The following PAPPA2 variants were observed in gnomAD, a reference collection of about 807,000 sequenced individuals.
PAPPA2 encodes the protein pappalysin 2.
PAPPA2 carries 86 observed loss-of-function variants against 176.4 expected under a neutral mutation model. That is an observed-to-expected ratio of 0.49 (90% CI 0.41 to 0.58). The LOEUF is 0.58. PAPPA2 is among the 20% of genes least tolerant of loss of function. The pLI, the probability that PAPPA2 is intolerant of heterozygous loss-of-function variation, is 0.00. For missense variants in PAPPA2, 2,073 were observed against 2,256.9 expected (o/e 0.92, Z 1.65); for synonymous variants, 809 against 852.2 (o/e 0.95, Z 0.88).
intron 3 of PAPPA2, among the ~76,000 whole-genome samples, chr1:176,657,152 A>C (rs1362305652): frequency 6.6e-6 from 1 of 151,950 alleles, no homozygotes; most frequent in Non-Finnish European, 1.5e-5. Context: ...AGTTGTGGAC[A>C]AAAGCACCAG....
At chr1:176,774,989 C>T (rs534871232) in intron 17 of PAPPA2, among the ~76,000 whole-genome samples, 38 of 152,274 alleles carry the variant, frequency 2.5e-4, no homozygotes, top group South Asian at 1.9e-3. Flanking sequence ...CCAGAGCTCT[C>T]CGTGACAGTG....
intron 14 of PAPPA2, among the ~76,000 whole-genome samples, chr1:176,756,046 T>A (rs2102893997): frequency 6.6e-6 from 1 of 152,060 alleles, no homozygotes; most frequent in South Asian, 2.1e-4. Context: ...GCAATGTCCA[T>A]CTCCCGGGTT....
chr1:176,616,500 C>T (rs1255970575), intron 3 of PAPPA2: 1 of 936,900 alleles, frequency 1.1e-6, no homozygotes, highest in African/African-American at 1.7e-5. Context: ...AATATAACAA[C>T]CAGGTTCTTC....
intron 21 of PAPPA2, among the ~76,000 whole-genome samples, chr1:176,832,568 G>A (rs570163013): frequency 6.6e-5 from 10 of 152,222 alleles, no homozygotes; most frequent in African/African-American, 2.4e-4. Context: ...GGCTAGGCTG[G>A]TCTCAAACTC....
intron 2 of PAPPA2, among the ~76,000 whole-genome samples, chr1:176,576,423 T>C (rs991118616): frequency 6.6e-6 from 1 of 152,082 alleles, no homozygotes; most frequent in African/African-American, 2.4e-5. Context: ...GCAGGTGATA[T>C]GTAAGTAGAG....
chr1:176,804,155 G>T (rs1475279358), intron 21 of PAPPA2, among the ~76,000 whole-genome samples: 1 of 152,156 alleles, frequency 6.6e-6, no homozygotes, highest in Non-Finnish European at 1.5e-5. Flanking sequence ...GTACATAATT[G>T]TGCATTATAA....
chr1:176,739,665 A>AT lies in PAPPA2; in HGVS notation c.3845dup (p.Leu1282PhefsTer4). ...ACCAGGAGAGGCCAGAGCAATTTTT[A>AT]TTTTTTTGACAACTGATGGCCTAGT... is the stretch of plus-strand genomic sequence containing the variant. On this transcript the variant is annotated frameshift_variant, in exon 13 of 23. Transcript: ENST00000367662. LOFTEE classifies it high-confidence loss of function. The AT allele has an allele frequency of 6.2e-7, 1 of 1,613,636 alleles. No individual in the cohort carries two copies. The highest frequency in any genetic ancestry group is 8.5e-7 in the Non-Finnish European group (1 of 1,179,722).
chr1:176,677,728 C>A (rs1330390127), intron 4 of PAPPA2, among the ~76,000 whole-genome samples: 1 of 152,040 alleles, frequency 6.6e-6, no homozygotes, highest in Admixed American at 6.6e-5. Flanking sequence ...TCGATTCATT[C>A]AAAGAAAAAC....
chr1:176,778,489 A>T (rs1172751771), intron 17 of PAPPA2, among the ~76,000 whole-genome samples: 4 of 152,214 alleles, frequency 2.6e-5, no homozygotes, highest in Non-Finnish European at 5.9e-5. Context: ...GGAAGATTCA[A>T]ACTGATTTTA....
intron 2 of PAPPA2, among the ~76,000 whole-genome samples, chr1:176,584,955 G>T (rs1239062145): frequency 6.6e-6 from 1 of 152,144 alleles, no homozygotes; most frequent in Non-Finnish European, 1.5e-5. Flanking sequence ...GGCCAGGCTG[G>T]TCTTAAACTC....
chr1:176,604,048 C>T lies in PAPPA2; in HGVS notation c.1991+8453C>T, dbSNP rs577386931. 7.2e-5 allele frequency among the ~76,000 whole-genome samples: 11 copies of T among 152,304 alleles called. No homozygotes were observed. In the East Asian group the frequency reaches 1.9e-3, roughly 27 times the overall value. Reference sequence around the variant, plus strand: ...CAGCCACACTGGCCTTCTGACTTGCCAGATGTACTCCTACTGCATGATCTT... The same window carrying T: ...CAGCCACACTGGCCTTCTGACTTGCTAGATGTACTCCTACTGCATGATCTT... On this transcript the variant is annotated intron_variant, in intron 3 of 22. Transcript: ENST00000367662.
In PAPPA2 at chr1:176,747,023, AT is replaced by A. The variant is rs1571264748; in HGVS notation, c.4151+6830del. ...AGGAAACTGAGACTCAAGGGCACAA[AT>A]TTACTTTATTTGGGATTAGCAAAAG... is the stretch of plus-strand genomic sequence containing the variant. On this transcript the variant is annotated intron_variant, in intron 14 of 22. Transcript: ENST00000367662. Among the ~76,000 whole-genome samples the A allele has an allele frequency of 2.6e-5, 4 of 152,324 alleles. No individual in the cohort carries two copies. The East Asian group carries it at 7.7e-4, about 29-fold the overall frequency.
chr1:176,707,709 A>G (rs375868846), intron 10 of PAPPA2, among the ~76,000 whole-genome samples: 2 of 152,204 alleles, frequency 1.3e-5, no homozygotes, highest in East Asian at 1.9e-4. Flanking sequence ...CCAAGGACAT[A>G]CAATGAAATC....
At chr1:176,825,322 G>A (rs1456512051) in intron 21 of PAPPA2, among the ~76,000 whole-genome samples, 1 of 152,162 alleles carries the variant, frequency 6.6e-6, no homozygotes, top group East Asian at 1.9e-4. Context: ...GTAATTTTAG[G>A]GGTGTTATGC....
At chr1:176,503,817 T>G (rs962181818) in intron 1 of PAPPA2, among the ~76,000 whole-genome samples, 13 of 152,248 alleles carry the variant, frequency 8.5e-5, no homozygotes, top group Admixed American at 2.0e-4. Context: ...CTCCTCAGAT[T>G]AGGAATAGTT....
chr1:176,655,701 G>A (rs993407535), intron 3 of PAPPA2, among the ~76,000 whole-genome samples: 1 of 151,770 alleles, frequency 6.6e-6, no homozygotes, highest in Non-Finnish European at 1.5e-5. Flanking sequence ...AGTAGAAAGC[G>A]GGTGGATGAT....
At chr1:176,578,730 CAG>C (rs1225007380) in intron 2 of PAPPA2, among the ~76,000 whole-genome samples, 1 of 152,238 alleles carries the variant, frequency 6.6e-6, no homozygotes, top group African/African-American at 2.4e-5. Context: ...GCATTTCAGA[CAG>C]AGAGAGATAC....
At chr1:176,515,425 T>C (rs1368763285) in intron 1 of PAPPA2, among the ~76,000 whole-genome samples, 1 of 152,044 alleles carries the variant, frequency 6.6e-6, no homozygotes, top group African/African-American at 2.4e-5. Flanking sequence ...TCCAGGAGGA[T>C]TGTGATCACC....
At chr1:176,793,864 G>C (rs1665298712) in intron 20 of PAPPA2, among the ~76,000 whole-genome samples, 195 bp downstream of exon 20, 1 of 152,142 alleles carries the variant, frequency 6.6e-6, no homozygotes, top group Admixed American at 6.6e-5. Context: ...TATCCGCCGA[G>C]GTGGGCGGAT....
Sources: allele counts gnomAD v4.1 joint callset (sites outside exome capture counted in the v4.1 genomes callset), GRCh38; gene constraint gnomAD v4.1.1; transcripts MANE v1.5; gene names NCBI Gene and HGNC (gene_info 2026-07-23, HGNC 2026-07-21).